Variants in MPC2 observed in about 807,000 individuals in gnomAD.
MPC2 encodes brain protein 44.
Under a neutral mutation model 19.2 loss-of-function variants are expected in MPC2, and 19 were observed. The ratio of observed to expected loss-of-function variants is 0.99; its 90% CI spans 0.69 to 1.45. MPC2 has a LOEUF of 1.45. Among genes scored for constraint, MPC2 ranks in the 40% most tolerant of loss-of-function variants. The probability of loss-of-function intolerance (pLI) is 0.00; values close to 1 mark genes in which losing one functional copy is unlikely to be tolerated. For synonymous variants in MPC2, 61 were observed against 54.3 expected, an observed-to-expected ratio of 1.12 and a Z score of -0.54; for missense variants, 122 against 153.0, an observed-to-expected ratio of 0.80 and a Z score of 1.07.
intron 2 of MPC2, among the ~76,000 whole-genome samples, chr1:167,934,245 C>G (rs80029875): frequency 0.03 from 4,509 of 152,216 alleles, 199 homozygotes; most frequent in African/African-American, 0.1. Context: ...GACTACCCTC[C>G]AATTTTGTAT....
intron 2 of MPC2, among the ~76,000 whole-genome samples, chr1:167,928,279 T>G (rs1571514913): frequency 1.4e-5 from 2 of 141,060 alleles, no homozygotes; most frequent in Admixed American, 7.5e-5. Context: ...AGCCGGGAGG[T>G]GGAGCTTGCA....
At chr1:167,934,831 G>A (rs1671028259) in intron 2 of MPC2, among the ~76,000 whole-genome samples, 1 of 152,120 alleles carries the variant, frequency 6.6e-6, no homozygotes, top group Admixed American at 6.5e-5. Flanking sequence ...TATATCTGAT[G>A]TTAGCCCCTA....
rs1351825238 is a variant in MPC2 at position 167,918,217 on chromosome 1, T to C, written c.*106A>G. The C allele has an allele frequency of 1.2e-6, 1 of 837,962 alleles. No homozygotes were observed. The highest frequency in any genetic ancestry group is 1.7e-5 in the African/African-American group (1 of 57,974). The allele number at this position is 837,962 out of a possible 1,614,324, so 51.9% of individuals were successfully genotyped here. A position where few individuals can be genotyped will look rare whatever the true frequency, so the allele number is the denominator to read the frequency against. On this transcript the variant is annotated 3_prime_UTR_variant, in exon 6 of 6. Transcript: ENST00000271373. ...ATCAAGAACTAGCTACCAGTTACAG[T>C]GCCTTCTAAACACACAGTTAGCTTT...
chr1:167,930,855 C>A (rs1200615775), intron 2 of MPC2, among the ~76,000 whole-genome samples: 1 of 152,236 alleles, frequency 6.6e-6, no homozygotes, highest in Non-Finnish European at 1.5e-5. Flanking sequence ...TCTCCTTTAG[C>A]ACATCTGCAT....
Position 167,918,237 on chromosome 1 carries a change from A to G in MPC2, c.*86T>C, listed in dbSNP as rs1282482873. 9.2e-7 allele frequency: 1 copy of G among 1,091,594 alleles called. No individual in the cohort carries two copies. Among genetic ancestry groups the G allele is most frequent in the East Asian group, 2.4e-5 (1 of 40,920 alleles). The allele number at this position is 1,091,594 out of a possible 1,614,324, so 67.6% of individuals were successfully genotyped here. On this transcript the variant is annotated 3_prime_UTR_variant, in exon 6 of 6. Transcript: ENST00000271373. ...TACAGTGCCTTCTAAACACACAGTT[A>G]GCTTTGCTTTATCAATAACCAAATA...
rs201019299 is a variant in MPC2 at position 167,927,520 on chromosome 1, G to GA, written c.110-2984dup. Among the ~76,000 whole-genome samples, 109 of 152,276 alleles carry GA rather than the reference G, an allele frequency of 7.2e-4. No homozygotes were observed. In the East Asian group the frequency reaches 8.1e-3, roughly 11 times the overall value. ...CCATGTATTGTTTTAGTCTCTGGCT[G>GA]AATGGGTGTTCATTTTTACTCTGAA... On this transcript the variant is annotated intron_variant, in intron 2 of 5. Coordinates refer to ENST00000271373, the MANE Select transcript of MPC2 (RefSeq NM_001143674.4).
intron 2 of MPC2, among the ~76,000 whole-genome samples, chr1:167,932,863 C>G (rs1234883926): frequency 6.8e-6 from 1 of 146,124 alleles, no homozygotes; most frequent in Non-Finnish European, 1.5e-5. Context: ...CACTGGGCAA[C>G]ATAACTTCAA....
In MPC2 at chr1:167,936,983, G is replaced by A; in HGVS notation, c.-102C>T. ...AAAGGTCCCTCGGGCTGGAGGACCC[G>A]TCCCGGCTGCGGAGTCGCTACCTGG... is the stretch of plus-strand genomic sequence containing the variant. On this transcript the variant is annotated 5_prime_UTR_variant, in exon 1 of 6. In the 5' UTR this introduces an upstream ATG that the reference lacks. Coordinates refer to ENST00000271373, the MANE Select transcript of MPC2 (RefSeq NM_001143674.4). 6.2e-7 allele frequency: 1 copy of A among 1,610,740 alleles called. No homozygotes were observed. The highest frequency in any genetic ancestry group is 8.5e-7 in the Non-Finnish European group (1 of 1,179,062).
chr1:167,931,090 C>A (rs1158482519), intron 2 of MPC2, among the ~76,000 whole-genome samples: 2 of 152,164 alleles, frequency 1.3e-5, no homozygotes, highest in African/African-American at 2.4e-5. Flanking sequence ...CACCACCATG[C>A]CCAGCTAAAT....
At chr1:167,919,929 C>T (rs1182874814) in intron 5 of MPC2, 50 bp downstream of exon 5, 2 of 1,382,656 alleles carry the variant, frequency 1.4e-6, no homozygotes. Context: ...AAATTAGTGC[C>T]ATCTAAGTAG....
intron 5 of MPC2, among the ~76,000 whole-genome samples, chr1:167,918,845 G>A (rs919111933): frequency 2.0e-5 from 3 of 151,870 alleles, no homozygotes; most frequent in East Asian, 1.9e-4. Flanking sequence ...TGCCTGCCTC[G>A]GCCTCCCAAA....
chr1:167,936,548 G>C (rs1002505270), intron 1 of MPC2: 20 of 279,694 alleles, frequency 7.2e-5, no homozygotes, highest in African/African-American at 4.4e-4. Flanking sequence ...TCAGTCCCCA[G>C]GGTGGTCGTC....
chr1:167,918,925 T>C (rs937941148), intron 5 of MPC2, among the ~76,000 whole-genome samples: 5 of 152,102 alleles, frequency 3.3e-5, no homozygotes, highest in African/African-American at 9.7e-5. Flanking sequence ...AGCTGACATA[T>C]AGTTTCCTGT....
At chr1:167,932,822 A>G (rs545608321) in intron 2 of MPC2, among the ~76,000 whole-genome samples, 32 of 151,538 alleles carry the variant, frequency 2.1e-4, no homozygotes, top group Admixed American at 1.8e-3. Flanking sequence ...AAAAAAAAAA[A>G]AAAAAGAAAA....
chr1:167,923,171 T>G (rs553574326), intron 3 of MPC2, among the ~76,000 whole-genome samples: 1 of 152,352 alleles, frequency 6.6e-6, no homozygotes, highest in East Asian at 1.9e-4. Flanking sequence ...AATTATCATA[T>G]GATCTAGCAA....
At chr1:167,936,845 G>A (rs961262424) in intron 1 of MPC2, 94 bp downstream of exon 1, 12 of 1,358,482 alleles carry the variant, frequency 8.8e-6, no homozygotes, top group South Asian at 7.5e-5. Context: ...GTTGAAACGG[G>A]TGTCCCCTCC....
chr1:167,918,331 G>A lies in MPC2; in HGVS notation c.376C>T (p.His126Tyr). 1 of 1,567,526 alleles carries A rather than the reference G, an allele frequency of 6.4e-7. No individual in the cohort carries two copies. The highest frequency in any genetic ancestry group is 8.8e-7 in the Non-Finnish European group (1 of 1,141,012). Residue 126 changes from histidine to tyrosine, a missense_variant, in exon 6 of 6, where the codon CAC (histidine) becomes TAC (tyrosine). By Grantham distance (83) the His-to-Tyr change is moderately conservative (BLOSUM62 2). Transcript: ENST00000271373. The stretch of plus-strand genomic sequence containing the variant: ...GGTGATCAGGAACTCTTTTATTTGT[G>A]TGCTTTAGCTTTTAGTTCTTGGTTA... ...RYNQELKAKA[H>Y]K
intron 2 of MPC2, among the ~76,000 whole-genome samples, chr1:167,929,123 C>T (rs140164638): frequency 1.7e-4 from 26 of 151,076 alleles, no homozygotes; most frequent in Admixed American, 4.6e-4. Context: ...GTTTGGGAGG[C>T]GGAGGTGGGC....
intron 1 of MPC2, chr1:167,936,185 C>G (rs1417395159): frequency 2.9e-5 from 8 of 277,038 alleles, no homozygotes; most frequent in Non-Finnish European, 4.9e-5. Flanking sequence ...CCGAGCTGCC[C>G]GCCATGATTG....
Sources: gnomAD v4.1 joint callset for allele counts (sites outside exome capture counted in the v4.1 genomes callset) on GRCh38, gnomAD v4.1.1 for gene constraint, MANE v1.5 for transcripts, NCBI Gene and HGNC (gene_info 2026-07-23, HGNC 2026-07-21) for gene names.